DUOX1: variants seen among roughly 807,000 people sequenced by gnomAD.
The protein encoded by DUOX1 is dual oxidase 1, also known as NADPH thyroid oxidase 1.
A neutral mutation model predicts 181.8 loss-of-function variants in DUOX1; 134 were observed. The observed-to-expected ratio is 0.74, with a 90% CI of 0.64 to 0.85. The LOEUF (loss-of-function observed/expected upper bound fraction) is 0.85, where lower values mean the gene tolerates loss of function less well. DUOX1 is among the 40% of genes least tolerant of loss of function. The pLI is 0.00. For synonymous variants in DUOX1, 798 were observed against 832.5 expected (o/e 0.96, Z 0.71); for missense variants, 1,814 against 2,064.4 (o/e 0.88, Z 2.35).
intron 12 of DUOX1, chr15:45,140,306 C>T (rs1261018539): frequency 6.9e-5 from 18 of 261,838 alleles, no homozygotes; most frequent in Non-Finnish European, 9.2e-5. Context: ...CATGGGGGCT[C>T]GTAAACTTTA....
At chr15:45,133,661 A>G (rs1030938493) in intron 2 of DUOX1, among the ~76,000 whole-genome samples, 1 of 151,978 alleles carries the variant, frequency 6.6e-6, no homozygotes, top group East Asian at 1.9e-4. Flanking sequence ...TGTCTCCCCC[A>G]CTGAGCAGCT....
chr15:45,163,973 A>C, intron 33 of DUOX1, 55 bp downstream of exon 33: 1 of 1,590,922 alleles, frequency 6.3e-7, no homozygotes, highest in Non-Finnish European at 8.6e-7. Flanking sequence ...GGGTCTGAGC[A>C]AAGCTCCCAA....
chr15:45,150,613 G>A lies in DUOX1; in HGVS notation c.2819-19G>A, dbSNP rs1381442988. ...GCTCTGGACCCTGAGCTGCTCCCTA[G>A]CCTGGCTCTGCTTTGCAGGGGTGGA... On this transcript the variant is annotated intron_variant, in intron 21 of 33. Transcript: ENST00000389037. 1 of 1,613,154 alleles carries A rather than the reference G, an allele frequency of 6.2e-7. No homozygotes were observed. Among genetic ancestry groups the A allele is most frequent in the South Asian group, 1.1e-5 (1 of 91,066 alleles).
chr15:45,142,767 A>AAGGAAGGAAGGAAGGAAGGAAG, intron 15 of DUOX1, among the ~76,000 whole-genome samples: 2 of 115,234 alleles, frequency 1.7e-5, no homozygotes, highest in Non-Finnish European at 1.9e-5. Flanking sequence ...AAGGAAGGAA[A>AAGGAAGGAAGGAAGGAAGGAAG]GAAGGAAGGA....
intron 28 of DUOX1, among the ~76,000 whole-genome samples, chr15:45,157,318 GCCC>G (rs1382660319): frequency 6.6e-6 from 1 of 152,188 alleles, no homozygotes; most frequent in African/African-American, 2.4e-5. Flanking sequence ...AATGAGTGGA[GCCC>G]TAGCATTCTC....
At position 45,132,014 on chromosome 15, in the gene DUOX1, G is replaced by T. The variant is rs111696606; in HGVS notation, c.48G>T (p.Trp16Cys). Residue 16 changes from tryptophan (W) to cysteine (C), a missense_variant, in exon 2 of 34, where the codon TGG becomes TGT. This residue lies in a region of DUOX1 where 320 missense variants were observed against 313.1 expected (regional missense o/e 1.02). Coordinates refer to ENST00000389037, the MANE Select transcript of DUOX1 (RefSeq NM_175940.3). ...CATGGACACTTCTGGTTGGGGCATG[G>T]ACCCCTCTGGGTGAGTACAGATTGG... ...ALAWTLLVGA[W>C]TPLGAQNPIS... The T allele has an allele frequency of 3.1e-6, 5 of 1,612,542 alleles. No homozygotes were observed. In the South Asian group the frequency reaches 3.3e-5, roughly 11 times the overall value.
At chr15:45,141,677 G>C (rs1440183052) in intron 14 of DUOX1, among the ~76,000 whole-genome samples, 1 of 152,114 alleles carries the variant, frequency 6.6e-6, no homozygotes, top group Non-Finnish European at 1.5e-5. Flanking sequence ...GGCTGAGATG[G>C]AGCTCGGGCT....
At chr15:45,143,077 G>T in intron 15 of DUOX1, 113 bp from the exon 16 acceptor site, 1 of 753,356 alleles carries the variant, frequency 1.3e-6, no homozygotes. Flanking sequence ...TGAGCAAGCT[G>T]ACCTAGGAGG....
At chr15:45,154,415 A>AC (rs1896914290) in intron 27 of DUOX1, among the ~76,000 whole-genome samples, 1 of 152,144 alleles carries the variant, frequency 6.6e-6, no homozygotes, top group Non-Finnish European at 1.5e-5. Flanking sequence ...AGAGGCGCCT[A>AC]CCCAGTATGC....
At chr15:45,149,525 T>C (rs1896751998) in intron 21 of DUOX1, among the ~76,000 whole-genome samples, 1 of 84,768 alleles carries the variant, frequency 1.2e-5, no homozygotes, top group South Asian at 7.2e-4. Flanking sequence ...TGACTCCAGA[T>C]TTTTTTTATA....
At chr15:45,161,251 C>CA (rs112900167) in intron 29 of DUOX1, among the ~76,000 whole-genome samples, 26,928 of 147,040 alleles carry the variant, frequency 0.18, 2,876 homozygotes, top group East Asian at 0.42. Flanking sequence ...GTCTCTACCA[C>CA]AAAAAAAAAA....
chr15:45,163,951 C>T (rs776665701), intron 33 of DUOX1, 33 bp downstream of exon 33: 1 of 1,607,928 alleles, frequency 6.2e-7, no homozygotes. Context: ...TTCTCTTCCT[C>T]TTTATCATTT....
rs369819405 is a variant in DUOX1, at chr15:45,141,319, A to C, written c.1593A>C (p.Glu531Asp). 6.0e-5 allele frequency: 97 copies of C among 1,614,108 alleles called. No individual in the cohort carries two copies. The highest frequency in any genetic ancestry group is 1.0e-4 in the Admixed American group (6 of 60,010). ...NGLFSKKEIE[E>D]IRNTTLQDVL... ...TGTTCTCCAAGAAGGAGATTGAAGA[A>C]ATCCGAAATACCACCCTGCAGGACG... is the stretch of plus-strand genomic sequence containing the variant. The change falls in exon 14 of 34, where the codon GAA becomes GAC. Residue 531 changes from glutamate (E) to aspartate (D), a missense_variant. This residue lies in a region of DUOX1 where 1,064 missense variants were observed against 1,152.9 expected (regional missense o/e 0.92). Transcript: ENST00000389037.
chr15:45,152,668 C>T (rs762847716), intron 25 of DUOX1, 152 bp downstream of exon 25: 3 of 753,346 alleles, frequency 4.0e-6, no homozygotes, highest in Admixed American at 2.4e-5. Context: ...GAAGTAAGCC[C>T]GGGAGCCTGT....
Position 45,136,592 on chromosome 15 carries a change from T to G in DUOX1, c.989T>G (p.Leu330Arg). Residue 330 changes from leucine to arginine, a missense_variant, in exon 9 of 34, where the codon CTG becomes CGG. By Grantham distance (102) the Leu-to-Arg change is moderately radical (BLOSUM62 -2). This residue lies in a region of DUOX1 where 1,064 missense variants were observed against 1,152.9 expected (regional missense o/e 0.92). Transcript: ENST00000389037. ...TTCGTGGCGGCCTCTGAGCAGTTCC[T>G]GTCCACCATGGTGCCCCCTGGCGTC... is the stretch of plus-strand genomic sequence containing the variant. Reference protein sequence around the residue: ...SEFVAASEQFLSTMVPPGVYM... With the variant: ...SEFVAASEQFRSTMVPPGVYM... 1.9e-6 allele frequency: 3 copies of G among 1,614,118 alleles called. No individual in the cohort carries two copies. The highest frequency in any genetic ancestry group is 2.5e-6 in the Non-Finnish European group (3 of 1,180,022).
At chr15:45,161,673 C>G in intron 29 of DUOX1, 65 bp from the exon 30 acceptor site, 1 of 1,434,320 alleles carries the variant, frequency 7.0e-7, no homozygotes, top group Admixed American at 1.7e-5. Context: ...GGGTGGGGAG[C>G]TCTCTGGAGG....
chr15:45,161,682 G>C, intron 29 of DUOX1, 56 bp from the exon 30 acceptor site: 1 of 1,516,710 alleles, frequency 6.6e-7, no homozygotes. Context: ...GCTCTCTGGA[G>C]GCCACATTGT....
chr15:45,161,566 C>A (rs530742704), intron 29 of DUOX1, among the ~76,000 whole-genome samples, 172 bp from the exon 30 acceptor site: 1 of 152,298 alleles, frequency 6.6e-6, no homozygotes, highest in African/African-American at 2.4e-5. Context: ...CCTTGCCTGG[C>A]TGACCCTCAG....
chr15:45,157,144 G>T (rs1363014574), intron 28 of DUOX1, among the ~76,000 whole-genome samples: 1 of 152,236 alleles, frequency 6.6e-6, no homozygotes, highest in Non-Finnish European at 1.5e-5. Flanking sequence ...ACAGATAGGA[G>T]GGTCTGTTTC....
Sources: allele counts gnomAD v4.1 joint callset (sites outside exome capture counted in the v4.1 genomes callset), GRCh38; gene constraint gnomAD v4.1.1; regional missense constraint gnomAD v4.1.1; transcripts MANE v1.5; gene names NCBI Gene and HGNC (gene_info 2026-07-23, HGNC 2026-07-21).